The following CSPP1 variants were observed in gnomAD, a reference collection of about 807,000 sequenced individuals.
CSPP1 encodes the protein centrosome and spindle pole-associated protein 1.
Under a neutral mutation model 164.4 loss-of-function variants are expected in CSPP1, and 126 were observed. That is an observed-to-expected ratio of 0.77 (90% CI 0.66 to 0.89). The LOEUF is 0.89. Ranked by LOEUF, CSPP1 falls within the 40% of genes least tolerant of loss-of-function variation. The probability of loss-of-function intolerance (pLI) is 0.00; values close to 1 mark genes in which losing one functional copy is unlikely to be tolerated. For synonymous variants in CSPP1, 472 were observed against 476.7 expected (o/e 0.99, Z 0.13); for missense variants, 1,395 against 1,449.8 (o/e 0.96, Z 0.61).
At chr8:67,093,665 T>C in intron 6 of CSPP1, 24 bp downstream of exon 6, 1 of 1,233,682 alleles carries the variant, frequency 8.1e-7, no homozygotes, top group Non-Finnish European at 1.2e-6. Flanking sequence ...TTGAATTAAA[T>C]CTGTACTACT....
At chr8:67,103,210 G>A (rs1375529531) in intron 8 of CSPP1, 75 bp downstream of exon 8, 1 of 783,522 alleles carries the variant, frequency 1.3e-6, no homozygotes, top group East Asian at 2.7e-5. Context: ...CTGGCTAACT[G>A]AAAAAGTAGA....
At chr8:67,184,972 T>C (rs1003697498) in intron 28 of CSPP1, among the ~76,000 whole-genome samples, 3 of 130,810 alleles carry the variant, frequency 2.3e-5, no homozygotes, top group Non-Finnish European at 3.3e-5. Context: ...AAAAAGGTGG[T>C]GGGCACCTAT....
At chr8:67,081,315 A>T (rs981802378) in intron 3 of CSPP1, among the ~76,000 whole-genome samples, 3 of 152,178 alleles carry the variant, frequency 2.0e-5, no homozygotes, top group Non-Finnish European at 4.4e-5. Flanking sequence ...GAAAATTTTA[A>T]GGATTTAGAG....
At chr8:67,185,205 G>A (rs1161510648) in intron 28 of CSPP1, among the ~76,000 whole-genome samples, 1 of 152,144 alleles carries the variant, frequency 6.6e-6, no homozygotes, top group East Asian at 1.9e-4. Flanking sequence ...CTCTTGAGAA[G>A]TGGTTGTTTA....
At chr8:67,186,716 A>C (rs2129574177) in intron 28 of CSPP1, among the ~76,000 whole-genome samples, 1 of 152,344 alleles carries the variant, frequency 6.6e-6, no homozygotes, top group South Asian at 2.1e-4. Context: ...TGTGATTGGA[A>C]AGGGAGAAAT....
chr8:67,104,233 T>C (rs79267316), intron 8 of CSPP1, among the ~76,000 whole-genome samples: 48 of 152,146 alleles, frequency 3.2e-4, no homozygotes, highest in South Asian at 2.7e-3. Context: ...AGGATTTTTT[T>C]CCCCTTGTTT....
intron 10 of CSPP1, among the ~76,000 whole-genome samples, chr8:67,113,384 A>G (rs1258188362): frequency 1.3e-5 from 2 of 152,126 alleles, no homozygotes; most frequent in African/African-American, 4.8e-5. Context: ...GATGTTAGCT[A>G]TCTTTAACAT....
In CSPP1 at chr8:67,196,340, G is replaced by A. The variant is rs1276701471; in HGVS notation, c.*747G>A. ...GAGGTGGGGACACCCGGGAGTCAAGGACAGAGAGACTGGAGTCTTCTTCTT... is the reference window on the plus strand; with the variant it reads ...GAGGTGGGGACACCCGGGAGTCAAGAACAGAGAGACTGGAGTCTTCTTCTT... On this transcript the variant is annotated 3_prime_UTR_variant, in exon 31 of 31. Transcript: ENST00000678616. 2 of 152,164 alleles carry A rather than the reference G, an allele frequency of 1.3e-5. No homozygotes were observed. Among genetic ancestry groups the A allele is most frequent in the Non-Finnish European group, 2.9e-5 (2 of 68,034 alleles). 9.4% of individuals were successfully genotyped at this position (152,164 alleles called of 1,614,324 possible).
intron 9 of CSPP1, among the ~76,000 whole-genome samples, chr8:67,107,983 G>GTTTTTTTTTTTTTTTTTTTT (rs34204898): frequency 1.6e-5 from 2 of 127,158 alleles, no homozygotes; most frequent in African/African-American, 6.0e-5. Flanking sequence ...CTTTGACAAA[G>GTTTTTTTTTTTTTTTTTTTT]TTTTTTTTTT....
In CSPP1 at chr8:67,190,682, G is replaced by A. The variant is rs965097503; in HGVS notation, c.3253G>A (p.Asp1085Asn). The part of the protein sequence containing the change: ...AYGETYPAIE[D>N]DVLPPPSQLP... Reference sequence around the variant, plus strand: ...CGGTGAGACATATCCTGCCATTGAAGATGACGTCCTCCCTCCACCATCACA... The same window carrying A: ...CGGTGAGACATATCCTGCCATTGAAAATGACGTCCTCCCTCCACCATCACA... The change falls in exon 29 of 31, where the codon GAT (aspartate) becomes AAT (asparagine). Residue 1085 changes from aspartate to asparagine, a missense_variant. Physicochemically the swap from Asp to Asn is conservative, Grantham distance 23. Transcript: ENST00000678616. 7 of 1,614,008 alleles carry A rather than the reference G, an allele frequency of 4.3e-6. No individual in the cohort carries two copies. The highest frequency in any genetic ancestry group is 5.9e-6 in the Non-Finnish European group (7 of 1,180,008).
Position 67,196,508 on chromosome 8 carries a change from C to T in CSPP1, c.*915C>T, listed in dbSNP as rs1837966590. 6.6e-6 allele frequency among the ~76,000 whole-genome samples: 1 copy of T among 152,230 alleles called. No individual in the cohort carries two copies. Among genetic ancestry groups the T allele is most frequent in the Non-Finnish European group, 1.5e-5 (1 of 68,042 alleles). On this transcript the variant is annotated 3_prime_UTR_variant, in exon 31 of 31. Coordinates refer to ENST00000678616, the MANE Select transcript of CSPP1 (RefSeq NM_001382391.1). ...ATCTCAGAACCATGACAGCTGAGAA[C>T]ATCCCCAGGCACTGCTTCTCTCTCT... is the stretch of plus-strand genomic sequence containing the variant.
At chr8:67,088,793 A>C (rs1357770877) in intron 4 of CSPP1, among the ~76,000 whole-genome samples, 3 of 150,998 alleles carry the variant, frequency 2.0e-5, no homozygotes, top group Non-Finnish European at 4.4e-5. Context: ...GCTACTCGGG[A>C]GGCTGAGGCA....
chr8:67,130,983 C>T lies in CSPP1; in HGVS notation c.1698-968C>T, dbSNP rs186172337. ...AGCCTGGGCGACAAGAGTGAAACTC[C>T]GTCTCAAAACAAAAGAAAACAAAAA... is the stretch of plus-strand genomic sequence containing the variant. On this transcript the variant is annotated intron_variant, in intron 15 of 30. Coordinates refer to ENST00000678616, the MANE Select transcript of CSPP1 (RefSeq NM_001382391.1). Among the ~76,000 whole-genome samples, 31 of 151,904 alleles carry T rather than the reference C, an allele frequency of 2.0e-4. No individual in the cohort carries two copies. The East Asian group carries it at 3.9e-3, about 19-fold the overall frequency.
rs1238441914 is a variant in CSPP1, at chr8:67,067,853, C to CT, written c.-11+3331dup. On this transcript the variant is annotated intron_variant, in intron 1 of 30. Transcript: ENST00000678616. ...AATAAAAGAATTGATCTGTTGATTT[C>CT]TTTTTTTTTTTTTTTTGACAGAGTA... Among the ~76,000 whole-genome samples, 775 of 137,074 alleles carry CT rather than the reference C, an allele frequency of 5.7e-3. 3 individuals are homozygous for CT. Among genetic ancestry groups the CT allele is most frequent in the Middle Eastern group, 0.011 (3 of 268 alleles). 89.9% of individuals were successfully genotyped at this position (137,074 alleles called of 152,430 possible).
rs189871629 is a variant in CSPP1, at chr8:67,170,313, C to T, written c.2829-2103C>T. On this transcript the variant is annotated intron_variant, in intron 24 of 30. Coordinates refer to ENST00000678616, the MANE Select transcript of CSPP1 (RefSeq NM_001382391.1). ...TACAAAAAAAAAAAAAAAAATTAGC[C>T]GAGTGTGGTGGTGCGTGCCTGTAGT... 1.5e-3 allele frequency among the ~76,000 whole-genome samples: 232 copies of T among 151,214 alleles called. 1 individual carries two copies. The highest frequency in any genetic ancestry group is 2.1e-3 in the Admixed American group (32 of 15,214).
intron 15 of CSPP1, among the ~76,000 whole-genome samples, chr8:67,124,440 T>G (rs902626450): frequency 1.3e-5 from 2 of 152,198 alleles, no homozygotes; most frequent in Non-Finnish European, 2.9e-5. Flanking sequence ...CACACTATTA[T>G]ACATTTAAGT....
In CSPP1 at chr8:67,144,417, C is replaced by T. The variant is rs970816646; in HGVS notation, c.1976-5366C>T. Reference sequence around the variant, plus strand: ...GTTTTGGTGTCAGGGTAATTCTGGCCTGATAACATGAATTGGGAAATGTTT... The same window carrying T: ...GTTTTGGTGTCAGGGTAATTCTGGCTTGATAACATGAATTGGGAAATGTTT... On this transcript the variant is annotated intron_variant, in intron 17 of 30. Transcript: ENST00000678616. Among the ~76,000 whole-genome samples, 3 of 151,968 alleles carry T rather than the reference C, an allele frequency of 2.0e-5. No homozygotes were observed. The East Asian group carries it at 5.8e-4, about 29-fold the overall frequency.
intron 5 of CSPP1, 32 bp downstream of exon 5, chr8:67,091,915 C>T: frequency 1.0e-6 from 1 of 969,272 alleles, no homozygotes; most frequent in Non-Finnish European, 1.4e-6. Flanking sequence ...TTGTGGGTAC[C>T]AGTTTTCCGA....
At chr8:67,132,292 T>A (rs1821387884) in intron 16 of CSPP1, among the ~76,000 whole-genome samples, 1 of 152,156 alleles carries the variant, frequency 6.6e-6, no homozygotes, top group South Asian at 2.1e-4. Flanking sequence ...ACACAGTAGT[T>A]GATATTTAAG....
Sources: allele counts gnomAD v4.1 joint callset (sites outside exome capture counted in the v4.1 genomes callset), GRCh38; gene constraint gnomAD v4.1.1; transcripts MANE v1.5; gene names NCBI Gene and HGNC (gene_info 2026-07-23, HGNC 2026-07-21).